ASPRV1: variants seen among roughly 807,000 people sequenced by gnomAD.
ASPRV1 encodes the protein retroviral-like aspartic protease 1.
Under a neutral mutation model 11.0 loss-of-function variants are expected in ASPRV1, and 7 were observed. That is an observed-to-expected ratio of 0.64 (90% CI 0.36 to 1.20). The LOEUF (loss-of-function observed/expected upper bound fraction) is 1.20, where lower values mean the gene tolerates loss of function less well. Ranked by LOEUF, ASPRV1 falls within the 50% of genes most tolerant of loss-of-function variation. The pLI is 0.02. For missense variants in ASPRV1, 299 were observed against 320.0 expected (o/e 0.93, Z 0.50); for synonymous variants, 136 against 138.4 (o/e 0.98, Z 0.12).
the ASPRV1 span, among the ~76,000 whole-genome samples, chr2:69,973,657 CTTGT>C: frequency 1.3e-5 from 2 of 152,232 alleles, no homozygotes; most frequent in African/African-American, 2.4e-5. Flanking sequence ...CAGAACTTTA[CTTGT>C]TTGTCAATGG....
the ASPRV1 span, among the ~76,000 whole-genome samples, chr2:69,944,644 T>C: frequency 6.6e-6 from 1 of 152,184 alleles, no homozygotes; most frequent in Non-Finnish European, 1.5e-5. Context: ...TACGGCATCT[T>C]TTCCTTTTTA....
the ASPRV1 span, among the ~76,000 whole-genome samples, chr2:69,995,969 T>C: frequency 0.54 from 81,601 of 151,890 alleles, 25,429 homozygotes; most frequent in African/African-American, 0.86. Context: ...ATTCCAAATC[T>C]CTTTGGGGAG....
chr2:69,953,805 T>G, the ASPRV1 span, among the ~76,000 whole-genome samples: 1 of 152,122 alleles, frequency 6.6e-6, no homozygotes, highest in East Asian at 1.9e-4. Context: ...CCTCCCAGGT[T>G]CAAGCAATTC....
At chr2:69,997,751 C>T in the ASPRV1 span, among the ~76,000 whole-genome samples, 1 of 152,216 alleles carries the variant, frequency 6.6e-6, no homozygotes, top group African/African-American at 2.4e-5. Flanking sequence ...AATCTAGATC[C>T]TGACTCAGTT....
chr2:69,991,546 CTTTA>C, the ASPRV1 span, among the ~76,000 whole-genome samples: 1,115 of 152,094 alleles, frequency 7.3e-3, 5 homozygotes, highest in Middle Eastern at 0.014. Context: ...CCTTCAGGGG[CTTTA>C]TTTGTTATTT....
the ASPRV1 span, chr2:69,937,363 C>T: frequency 1.4e-5 from 22 of 1,613,148 alleles, no homozygotes; most frequent in South Asian, 2.2e-5. Context: ...TCGGCTCCAC[C>T]GTCTCCTCGG....
the ASPRV1 span, among the ~76,000 whole-genome samples, chr2:70,065,028 G>C: frequency 6.6e-6 from 1 of 152,084 alleles, no homozygotes; most frequent in Non-Finnish European, 1.5e-5. Flanking sequence ...CCAGGAGACA[G>C]ACATTGCAGT....
chr2:70,078,998 A>G, the ASPRV1 span, among the ~76,000 whole-genome samples: 1 of 152,204 alleles, frequency 6.6e-6, no homozygotes, highest in Non-Finnish European at 1.5e-5. Flanking sequence ...GGTGGATTGG[A>G]TGAAGAGAAT....
chr2:70,021,003 T>C, the ASPRV1 span, among the ~76,000 whole-genome samples: 1 of 152,230 alleles, frequency 6.6e-6, no homozygotes, highest in Non-Finnish European at 1.5e-5. Context: ...ATGTGTATTT[T>C]ACCACAGCTT....
chr2:70,057,158 T>C, the ASPRV1 span, among the ~76,000 whole-genome samples: 1 of 151,942 alleles, frequency 6.6e-6, no homozygotes, highest in Non-Finnish European at 1.5e-5. Context: ...TCCCAGCACT[T>C]TGGGAGGCCA....
the ASPRV1 span, among the ~76,000 whole-genome samples, chr2:70,007,248 T>C: frequency 1.8e-3 from 280 of 152,340 alleles, 5 homozygotes; most frequent in Non-Finnish European, 4.7e-4. Context: ...CGGGCGCAGG[T>C]TGCTCACGCC....
chr2:69,983,682 G>A, the ASPRV1 span, among the ~76,000 whole-genome samples: 5,565 of 152,238 alleles, frequency 0.037, 339 homozygotes, highest in African/African-American at 0.13. Flanking sequence ...TGACCTGGAG[G>A]GCCTAAGCGG....
chr2:70,085,073 A>G, the ASPRV1 span, among the ~76,000 whole-genome samples: 1 of 151,762 alleles, frequency 6.6e-6, no homozygotes, highest in African/African-American at 2.4e-5. Context: ...CTGACCTAAC[A>G]CTCTGTCATG....
chr2:70,027,259 CAAAAAAAAAAA>C, the ASPRV1 span, among the ~76,000 whole-genome samples: 1 of 49,676 alleles, frequency 2.0e-5, no homozygotes. Context: ...CCCTGTCTCT[CAAAAAAAAAAA>C]AAAAAAAAAA....
At chr2:70,058,405 G>A in the ASPRV1 span, among the ~76,000 whole-genome samples, 1 of 152,006 alleles carries the variant, frequency 6.6e-6, no homozygotes, top group Non-Finnish European at 1.5e-5. Context: ...ACTGCACTCA[G>A]TTAATTTTTG....
At chr2:69,941,624 C>G in the ASPRV1 span, 1 of 152,060 alleles carries the variant, frequency 6.6e-6, no homozygotes, top group African/African-American at 2.4e-5. Context: ...TCTACTTTTT[C>G]AAAAGCAACA....
chr2:70,057,271 A>G, the ASPRV1 span, among the ~76,000 whole-genome samples: 1 of 151,916 alleles, frequency 6.6e-6, no homozygotes. Context: ...GAAAAAGAAA[A>G]TTTTCAGAAA....
At chr2:70,006,595 G>A in the ASPRV1 span, among the ~76,000 whole-genome samples, 1 of 152,138 alleles carries the variant, frequency 6.6e-6, no homozygotes, top group Non-Finnish European at 1.5e-5. Context: ...GTCCAGCCCA[G>A]AGGGAAGAGG....
the ASPRV1 span, among the ~76,000 whole-genome samples, chr2:69,946,216 G>A: frequency 1.3e-5 from 2 of 152,178 alleles, no homozygotes; most frequent in Non-Finnish European, 2.9e-5. Context: ...TGAAGCATTC[G>A]AGCCAGTAAT....
Sources: gnomAD v4.1 joint callset for allele counts (sites outside exome capture counted in the v4.1 genomes callset) on GRCh38, gnomAD v4.1.1 for gene constraint, MANE v1.5 for transcripts, NCBI Gene and HGNC (gene_info 2026-07-23, HGNC 2026-07-21) for gene names.